CCND2: variants seen among roughly 807,000 people sequenced by gnomAD.
The protein encoded by CCND2 is G1/S-specific cyclin-D2.
Under a neutral mutation model 30.2 loss-of-function variants are expected in CCND2, and 6 were observed. The observed-to-expected ratio is 0.20, with a 90% confidence interval of 0.11 to 0.39. CCND2 has a LOEUF of 0.39. Among genes scored for constraint, CCND2 ranks in the 10% least tolerant of loss-of-function variants. The probability of loss-of-function intolerance (pLI) is 1.00; values close to 1 mark genes in which losing one functional copy is unlikely to be tolerated. For synonymous variants in CCND2, 150 were observed against 153.1 expected, an observed-to-expected ratio of 0.98 and a Z score of 0.15; for missense variants, 235 against 373.4, an observed-to-expected ratio of 0.63 and a Z score of 3.06.
At chr12:4,289,699 C>T (rs1300273293) in intron 4 of CCND2, among the ~76,000 whole-genome samples, 2 of 152,188 alleles carry the variant, frequency 1.3e-5, no homozygotes, top group Non-Finnish European at 2.9e-5. Flanking sequence ...TCAAGTGAGC[C>T]TCTGAATTCA....
chr12:4,284,308 A>G (rs3217833), intron 3 of CCND2, among the ~76,000 whole-genome samples: 127,273 of 152,268 alleles, frequency 0.84, 53,315 homozygotes, highest in Middle Eastern at 0.92. Context: ...AGAAAATGAA[A>G]ACTCAGAGAG....
Position 4,288,237 on chromosome 12 carries a change from C to CT in CCND2, c.572-589dup, listed in dbSNP as rs56794387. ...TCTCATTTCCTTTTTTAGATCAAACCTTTTTTTTTTTTTTTTGGGTGGGGG... is the reference window on the plus strand; with the variant it reads ...TCTCATTTCCTTTTTTAGATCAAACCTTTTTTTTTTTTTTTTTGGGTGGGGG... On this transcript the variant is annotated intron_variant, in intron 3 of 4. Transcript: ENST00000261254. Among the ~76,000 whole-genome samples the CT allele has an allele frequency of 3.5e-3, 475 of 136,152 alleles. 2 individuals are homozygous for CT. The highest frequency in any genetic ancestry group is 0.021 in the South Asian group (90 of 4,222). 89.3% of individuals were successfully genotyped at this position (136,152 alleles called of 152,430 possible). A position where few individuals can be genotyped will look rare whatever the true frequency, so the allele number is the denominator to read the frequency against.
intron 4 of CCND2, among the ~76,000 whole-genome samples, chr12:4,294,117 C>T (rs1337017453): frequency 6.6e-6 from 1 of 152,112 alleles, no homozygotes; most frequent in African/African-American, 2.4e-5. Context: ...TGCAGTTACA[C>T]TGAGGGCTAA....
chr12:4,297,997 C>T (rs921986964), intron 4 of CCND2: 18 of 259,412 alleles, frequency 6.9e-5, no homozygotes, highest in African/African-American at 2.2e-4. Flanking sequence ...TGACTAAATG[C>T]GAATCTATAC....
Position 4,303,488 on chromosome 12 carries a change from G to T in CCND2, c.*3479G>T, listed in dbSNP as rs1422394730. ...TATCCTGGTCTTTTTCTACCTTGTT[G>T]TGTTTCTATCTCGTCTTTACTTCCA... On this transcript the variant is annotated 3_prime_UTR_variant, in exon 5 of 5. Coordinates refer to ENST00000261254, the MANE Select transcript of CCND2 (RefSeq NM_001759.4). This position sits in a 1 kb window ranked among gnomAD's most constrained non-coding sequence, Gnocchi z 4.6. 1 of 233,492 alleles carries T rather than the reference G, an allele frequency of 4.3e-6. No individual in the cohort carries two copies. The highest frequency in any genetic ancestry group is 2.2e-5 in the African/African-American group (1 of 45,300). 14.5% of individuals were successfully genotyped at this position (233,492 alleles called of 1,614,324 possible). A position where few individuals can be genotyped will look rare whatever the true frequency, so the allele number is the denominator to read the frequency against.
chr12:4,285,471 T>C lies in CCND2; in HGVS notation c.572-3371T>C. ...TTGTTAAAATAATATTACGTACAAATTTTACAAACTCATCTGTGTTTCTCC... is the reference window on the plus strand; with the variant it reads ...TTGTTAAAATAATATTACGTACAAACTTTACAAACTCATCTGTGTTTCTCC... On this transcript the variant is annotated intron_variant, in intron 3 of 4. Transcript: ENST00000261254. The surrounding 1 kb of genome is among the most constrained non-coding windows in gnomAD (Gnocchi z 4.1). The C allele has an allele frequency of 1.0e-6, 1 of 965,902 alleles. No homozygotes were observed. The highest frequency in any genetic ancestry group is 1.2e-6 in the Non-Finnish European group (1 of 812,086). 59.8% of individuals were successfully genotyped at this position (965,902 alleles called of 1,614,324 possible).
rs796759137 is a variant in CCND2 at position 4,297,592 on chromosome 12, A to G, written c.721-2268A>G. Reference sequence around the variant, plus strand: ...TCTCAAAAAAAAAAAAAAAAAAAAAAAAAAACAGAAAAGAAAAGAAACATT... The same window carrying G: ...TCTCAAAAAAAAAAAAAAAAAAAAAGAAAAACAGAAAAGAAAAGAAACATT... On this transcript the variant is annotated intron_variant, in intron 4 of 4. Coordinates refer to ENST00000261254, the MANE Select transcript of CCND2 (RefSeq NM_001759.4). 4.0e-3 allele frequency among the ~76,000 whole-genome samples: 597 copies of G among 150,856 alleles called. 32 individuals carry two copies. The East Asian group carries it at 0.1, about 26-fold the overall frequency.
rs560920176 is a variant in CCND2, at chr12:4,274,262, G to T, written c.195+27G>T. 8.1e-6 allele frequency: 13 copies of T among 1,610,622 alleles called. No homozygotes were observed. In the African/African-American group the frequency reaches 1.6e-4, roughly 20 times the overall value. On this transcript the variant is annotated intron_variant, in intron 1 of 4. Transcript: ENST00000261254. This position sits in a 1 kb window ranked among gnomAD's most constrained non-coding sequence, Gnocchi z 7.7. ...TAGGTCGGGGGGTGGCGCTCGCCAG[G>T]AGCCAGGACCCCTCCGGATGCTCGG...
chr12:4,288,349 A>G (rs1421905267), intron 3 of CCND2, among the ~76,000 whole-genome samples: 1 of 149,954 alleles, frequency 6.7e-6, no homozygotes, highest in African/African-American at 2.5e-5. Context: ...CGTTTCTCCC[A>G]TCTCCTTGTA....
chr12:4,293,784 C>T lies in CCND2; in HGVS notation c.720+4794C>T, dbSNP rs940530855. Among the ~76,000 whole-genome samples the T allele has an allele frequency of 4.6e-5, 7 of 152,172 alleles. No homozygotes were observed. Among genetic ancestry groups the T allele is most frequent in the Non-Finnish European group, 7.3e-5 (5 of 68,034 alleles). On this transcript the variant is annotated intron_variant, in intron 4 of 4. Transcript: ENST00000261254. This position sits in a 1 kb window ranked among gnomAD's most constrained non-coding sequence, Gnocchi z 4.9. ...TGGAAGTGCCGCCACCCTCGCCCCA[C>T]ATGTCATTTTCAAGCCTCCACTGTT...
At position 4,299,786 on chromosome 12, in the gene CCND2, C is replaced by T. The variant is rs985843742; in HGVS notation, c.721-74C>T. On this transcript the variant is annotated intron_variant, in intron 4 of 4. Coordinates refer to ENST00000261254, the MANE Select transcript of CCND2 (RefSeq NM_001759.4). The surrounding 1 kb of genome is among the most constrained non-coding windows in gnomAD (Gnocchi z 5.2). ...GCACAGACTTATGCAAGCTAAATTA[C>T]GCATGTTTTCTCCGTAGGATGCTCT... 30 of 1,389,026 alleles carry T rather than the reference C, an allele frequency of 2.2e-5. No homozygotes were observed. In the East Asian group the frequency reaches 3.7e-4, roughly 17 times the overall value. The allele number at this position is 1,389,026 out of a possible 1,614,324, so 86.0% of individuals were successfully genotyped here.
chr12:4,300,638 T>TA lies in CCND2; in HGVS notation c.*636dup, dbSNP rs1196945286. 94 of 233,742 alleles carry TA rather than the reference T, an allele frequency of 4.0e-4. No individual in the cohort carries two copies. In the East Asian group the frequency reaches 5.5e-3, roughly 14 times the overall value. The allele number at this position is 233,742 out of a possible 1,614,324, so 14.5% of individuals were successfully genotyped here. A position where few individuals can be genotyped will look rare whatever the true frequency, so the allele number is the denominator to read the frequency against. Reference sequence around the variant, plus strand: ...CTTGCTGTCTACAGTAGCTGCTACCTAAAAAAAGATGTTTTATTTTGCCAG... The same window carrying TA: ...CTTGCTGTCTACAGTAGCTGCTACCTAAAAAAAAGATGTTTTATTTTGCCAG... On this transcript the variant is annotated 3_prime_UTR_variant, in exon 5 of 5. Coordinates refer to ENST00000261254, the MANE Select transcript of CCND2 (RefSeq NM_001759.4).
rs2120524219 is a variant in CCND2, at chr12:4,276,385, C to T, written c.411+165C>T. Reference sequence around the variant, plus strand: ...CGATAGCTCATTTAATAGGAAACCACTGTTTATTTTTTGTGTGTTCCTACT... The same window carrying T: ...CGATAGCTCATTTAATAGGAAACCATTGTTTATTTTTTGTGTGTTCCTACT... On this transcript the variant is annotated intron_variant, in intron 2 of 4. Coordinates refer to ENST00000261254, the MANE Select transcript of CCND2 (RefSeq NM_001759.4). The surrounding 1 kb of genome is among the most constrained non-coding windows in gnomAD (Gnocchi z 4.8). Among the ~76,000 whole-genome samples the T allele has an allele frequency of 6.6e-6, 1 of 152,304 alleles. No individual in the cohort carries two copies. The highest frequency in any genetic ancestry group is 1.9e-4 in the East Asian group (1 of 5,190).
At chr12:4,280,534 C>T (rs888109939) in intron 3 of CCND2, among the ~76,000 whole-genome samples, 4 of 152,200 alleles carry the variant, frequency 2.6e-5, no homozygotes, top group Non-Finnish European at 5.9e-5. Flanking sequence ...TTCTTAGGAC[C>T]CCTGTGGACC....
chr12:4,279,948 T>G (rs1486029925), intron 3 of CCND2, among the ~76,000 whole-genome samples: 1 of 151,526 alleles, frequency 6.6e-6, no homozygotes, highest in African/African-American at 2.4e-5. Context: ...ATGTTACTGG[T>G]GAGTTCTACG....
chr12:4,279,964 G>A (rs1863926771), intron 3 of CCND2, among the ~76,000 whole-genome samples: 1 of 151,448 alleles, frequency 6.6e-6, no homozygotes, highest in Non-Finnish European at 1.5e-5. Flanking sequence ...CTACGGAACG[G>A]ATGATTATAT....
chr12:4,288,360 C>CT (rs1473163182), intron 3 of CCND2, among the ~76,000 whole-genome samples: 2 of 151,458 alleles, frequency 1.3e-5, no homozygotes, highest in Non-Finnish European at 2.9e-5. Context: ...TCTCCTTGTA[C>CT]TTTCCCTCCT....
rs1157655503 is a variant in CCND2 at position 4,274,668 on chromosome 12, TC to T, written c.195+437del. On this transcript the variant is annotated intron_variant, in intron 1 of 4. Transcript: ENST00000261254. The surrounding 1 kb of genome is among the most constrained non-coding windows in gnomAD (Gnocchi z 7.7). ...AGAGCAAATTCGTCTTGGCCTCAGG[TC>T]CCCGCCTGTGGTCGCGACTCCGCGC... 6.6e-6 allele frequency among the ~76,000 whole-genome samples: 1 copy of T among 151,816 alleles called. No individual in the cohort carries two copies. The highest frequency in any genetic ancestry group is 6.5e-5 in the Admixed American group (1 of 15,280).
At chr12:4,280,479 C>T (rs1325571661) in intron 3 of CCND2, among the ~76,000 whole-genome samples, 2 of 152,248 alleles carry the variant, frequency 1.3e-5, no homozygotes, top group East Asian at 1.9e-4. Context: ...GCCCTGTGCC[C>T]CTTGGTGGGA....
Sources: gnomAD v4.1 joint callset for allele counts (sites outside exome capture counted in the v4.1 genomes callset) on GRCh38, gnomAD v4.1.1 for gene constraint, Gnocchi (gnomAD v3.1) non-coding constraint, MANE v1.5 for transcripts, NCBI Gene and HGNC (gene_info 2026-07-23, HGNC 2026-07-21) for gene names.